Variants in MIR2052HG observed in about 807,000 individuals in gnomAD.
MIR2052HG encodes MIR2052 host gene.
chr8:74,605,946 G>A (rs929364832), intron 1 of MIR2052HG, among the ~76,000 whole-genome samples: 2 of 152,154 alleles, frequency 1.3e-5, no homozygotes, highest in African/African-American at 4.8e-5. Flanking sequence ...TGATTTAGCC[G>A]GCGGCCAAGA....
At chr8:74,620,594 T>C (rs940143302) in intron 2 of MIR2052HG, among the ~76,000 whole-genome samples, 3 of 152,392 alleles carry the variant, frequency 2.0e-5, no homozygotes, top group African/African-American at 7.2e-5. Context: ...TTGCACTCTC[T>C]GAAGCAATGG....
At chr8:74,749,427 C>G (rs1408343331) in intron 4 of MIR2052HG, among the ~76,000 whole-genome samples, 1 of 151,966 alleles carries the variant, frequency 6.6e-6, no homozygotes, top group East Asian at 1.9e-4. Flanking sequence ...CTTGTAGTGC[C>G]TTTTTAGTTG....
At chr8:74,708,300 CA>C (rs1345252572) in intron 4 of MIR2052HG, among the ~76,000 whole-genome samples, 1 of 152,122 alleles carries the variant, frequency 6.6e-6, no homozygotes, top group Non-Finnish European at 1.5e-5. Flanking sequence ...AGTTGTATCA[CA>C]AGGAAGCATT....
chr8:74,736,690 A>T lies in MIR2052HG; in HGVS notation n.372-15751A>T, dbSNP rs938234065. 9.2e-5 allele frequency among the ~76,000 whole-genome samples: 14 copies of T among 152,322 alleles called. No homozygotes were observed. In the East Asian group the frequency reaches 1.2e-3, roughly 13 times the overall value. On this transcript the variant is annotated intron_variant and non_coding_transcript_variant, in intron 4 of 6. Transcript: ENST00000523442. ...TGTGAGTGTGTCTGCATGACATCAG[A>T]CTATCTGGATTCATAGCAAAGAATT...
At chr8:74,658,996 T>C (rs964961911) in intron 2 of MIR2052HG, among the ~76,000 whole-genome samples, 3 of 152,240 alleles carry the variant, frequency 2.0e-5, no homozygotes, top group Non-Finnish European at 4.4e-5. Context: ...GCTTCTCTCC[T>C]GAGAGACTGA....
chr8:74,663,232 A>T (rs957969683), intron 2 of MIR2052HG, among the ~76,000 whole-genome samples: 1 of 152,016 alleles, frequency 6.6e-6, no homozygotes, highest in Non-Finnish European at 1.5e-5. Context: ...TGCCCAGGGG[A>T]AAAAAAGAGC....
At chr8:74,667,553 T>C (rs1020299169) in intron 2 of MIR2052HG, among the ~76,000 whole-genome samples, 2 of 152,206 alleles carry the variant, frequency 1.3e-5, no homozygotes, top group African/African-American at 4.8e-5. Context: ...ATTTCATTTT[T>C]AAAGTATCTT....
At chr8:74,644,755 G>A (rs937154174) in intron 2 of MIR2052HG, among the ~76,000 whole-genome samples, 1 of 152,068 alleles carries the variant, frequency 6.6e-6, no homozygotes, top group African/African-American at 2.4e-5. Flanking sequence ...GCCGGGCATG[G>A]TGGTGCATGC....
chr8:74,651,492 G>A (rs926627486), intron 2 of MIR2052HG, among the ~76,000 whole-genome samples: 2 of 151,980 alleles, frequency 1.3e-5, no homozygotes, highest in African/African-American at 4.8e-5. Context: ...ATATTTTCTT[G>A]CTTTTTATTA....
At chr8:74,627,333 A>G (rs919911308) in intron 2 of MIR2052HG, among the ~76,000 whole-genome samples, 8 of 146,520 alleles carry the variant, frequency 5.5e-5, no homozygotes, top group Non-Finnish European at 1.2e-4. Flanking sequence ...ACTGACACTT[A>G]GTAAGCACAT....
rs1479253568 is a variant in MIR2052HG at position 74,622,058 on chromosome 8, AT to A, written n.216+9119del. Among the ~76,000 whole-genome samples the A allele has an allele frequency of 2.6e-5, 4 of 152,320 alleles. No individual in the cohort carries two copies. The East Asian group carries it at 7.7e-4, about 29-fold the overall frequency. On this transcript the variant is annotated intron_variant and non_coding_transcript_variant, in intron 2 of 6. Transcript: ENST00000523442. ...AAAGCAGAAAGAGACAAACGGGATTATATCAATCCAAAAAGCACCTGCACCG... is the reference window on the plus strand; with the variant it reads ...AAAGCAGAAAGAGACAAACGGGATTAATCAATCCAAAAAGCACCTGCACCG...
intron 2 of MIR2052HG, among the ~76,000 whole-genome samples, chr8:74,650,780 AT>A (rs1808743492): frequency 6.6e-6 from 1 of 152,144 alleles, no homozygotes. Context: ...GACTGAAAAT[AT>A]TTCTCTACTA....
At chr8:74,643,652 A>T (rs1183794202) in intron 2 of MIR2052HG, among the ~76,000 whole-genome samples, 1 of 152,214 alleles carries the variant, frequency 6.6e-6, no homozygotes, top group African/African-American at 2.4e-5. Flanking sequence ...AGATAATGAG[A>T]TAATGCCATC....
intron 2 of MIR2052HG, among the ~76,000 whole-genome samples, chr8:74,670,284 T>TTATTTAAAAAATAACTTAAAAAA (rs59609164): frequency 6.6e-6 from 1 of 152,112 alleles, no homozygotes; most frequent in African/African-American, 2.4e-5. Flanking sequence ...TTAACAAAAA[T>TTATTTAAAAAATAACTTAAAAAA]ATATTAACTG....
At chr8:74,616,500 C>T (rs181168861) in intron 2 of MIR2052HG, among the ~76,000 whole-genome samples, 1 of 151,524 alleles carries the variant, frequency 6.6e-6, no homozygotes, top group Non-Finnish European at 1.5e-5. Context: ...TACCATGTCT[C>T]ACCTTCCTTT....
chr8:74,680,099 A>T (rs1477745375), intron 2 of MIR2052HG, among the ~76,000 whole-genome samples: 2 of 152,206 alleles, frequency 1.3e-5, no homozygotes, highest in African/African-American at 4.8e-5. Flanking sequence ...GGAGTTAAAA[A>T]TGCTGTTTAG....
intron 2 of MIR2052HG, among the ~76,000 whole-genome samples, chr8:74,656,756 G>C (rs1174176220): frequency 6.6e-6 from 1 of 152,208 alleles, no homozygotes; most frequent in East Asian, 1.9e-4. Flanking sequence ...CTGTACCAGA[G>C]AGGACTGCCC....
intron 2 of MIR2052HG, among the ~76,000 whole-genome samples, chr8:74,672,735 G>A (rs965895640): frequency 1.3e-5 from 2 of 151,932 alleles, no homozygotes; most frequent in African/African-American, 4.8e-5. Context: ...TTTAATATCT[G>A]CTGAATTCTG....
At chr8:74,727,013 G>GA (rs1440818104) in intron 4 of MIR2052HG, among the ~76,000 whole-genome samples, 4 of 152,264 alleles carry the variant, frequency 2.6e-5, no homozygotes, top group East Asian at 1.9e-4. Context: ...TGGTCATTGG[G>GA]AAAAAATCCC....
Sources: gnomAD v4.1 joint callset for allele counts (sites outside exome capture counted in the v4.1 genomes callset) on GRCh38, gnomAD v4.1.1 for gene constraint, MANE v1.5 for transcripts, NCBI Gene and HGNC (gene_info 2026-07-23, HGNC 2026-07-21) for gene names.